The following REV3L variants were observed in gnomAD, a reference collection of about 807,000 sequenced individuals.
The protein encoded by REV3L is REV3 like, DNA directed polymerase zeta catalytic subunit.
A neutral mutation model predicts 299.4 loss-of-function variants in REV3L; 69 were observed. The ratio of observed to expected loss-of-function variants is 0.23; its 90% CI spans 0.19 to 0.28. The LOEUF (loss-of-function observed/expected upper bound fraction) is 0.28, where lower values mean the gene tolerates loss of function less well. Among genes scored for constraint, REV3L ranks in the 10% least tolerant of loss-of-function variants. The pLI is 1.00. For synonymous variants in REV3L, 1,238 were observed against 1,271.4 expected (o/e 0.97, Z 0.56); for missense variants, 3,128 against 3,693.8 (o/e 0.85, Z 3.97).
chr6:111,395,133 C>T (rs1239587120), intron 4 of REV3L, among the ~76,000 whole-genome samples: 1 of 152,142 alleles, frequency 6.6e-6, no homozygotes, highest in Non-Finnish European at 1.5e-5. Context: ...GTTTTGACCT[C>T]AGGTAATATG....
rs1173039088 is a variant in REV3L at position 111,411,532 on chromosome 6, T to C, written c.352A>G (p.Lys118Glu). 3 of 1,585,042 alleles carry C rather than the reference T, an allele frequency of 1.9e-6. No homozygotes were observed. Among genetic ancestry groups the C allele is most frequent in the Non-Finnish European group, 2.6e-6 (3 of 1,160,846 alleles). ...SGMPFYGYHE[K>E]ERHFMKIYLY... ...TAGATCTTCATAAAGTGTCTTTCCT[T>C]CTCATGATAACCATAAAAAGGCCTG... is the stretch of plus-strand genomic sequence containing the variant. The change falls in exon 3 of 32, where the codon AAG (lysine) becomes GAG (glutamate). Residue 118 changes from lysine to glutamate, a missense_variant. Lys to Glu is a moderately conservative substitution (Grantham distance 56). Around this residue, in one of 9 missense-constraint regions of REV3L, gnomAD observed 2,409 missense variants for 2,611.8 expected, o/e 0.92. Transcript: ENST00000368802.
At chr6:111,355,739 T>C (rs930573014) in intron 18 of REV3L, among the ~76,000 whole-genome samples, 9 of 152,124 alleles carry the variant, frequency 5.9e-5, no homozygotes, top group African/African-American at 1.7e-4. Flanking sequence ...CAAAATAGTA[T>C]TGACTGAAAC....
Position 111,392,909 on chromosome 6 carries a change from G to C in REV3L, c.629C>G (p.Thr210Ser). 1.9e-6 allele frequency: 3 copies of C among 1,612,404 alleles called. No individual in the cohort carries two copies. The highest frequency in any genetic ancestry group is 2.5e-6 in the Non-Finnish European group (3 of 1,178,696). Residue 210 changes from threonine to serine, a missense_variant, in exon 5 of 32, where the codon ACT (threonine) becomes AGT (serine). Thr to Ser is a moderately conservative substitution (Grantham distance 58, BLOSUM62 1). Coordinates refer to ENST00000368802, the MANE Select transcript of REV3L (RefSeq NM_001372078.1). ...TTCATCTTGTTCCCACCGAAATAAA[G>C]TATCAGCAAGAGAATTTCCTGATAA... is the stretch of plus-strand genomic sequence containing the variant. Reference protein sequence around the residue: ...NHLSGNSLADTLFRWEQDEIP... With the variant: ...NHLSGNSLADSLFRWEQDEIP...
At chr6:111,447,968 C>G (rs17539197) in intron 1 of REV3L, among the ~76,000 whole-genome samples, 66,517 of 152,032 alleles carry the variant, frequency 0.44, 16,424 homozygotes, top group Non-Finnish European at 0.56. Context: ...AAAATCCTTA[C>G]TTTAAAATTT....
intron 16 of REV3L, among the ~76,000 whole-genome samples, chr6:111,362,800 T>C (rs1018608222): frequency 1.3e-5 from 2 of 152,186 alleles, no homozygotes; most frequent in African/African-American, 2.4e-5. Flanking sequence ...TAGTATTACA[T>C]ACCTAAGTCG....
chr6:111,325,114 G>A (rs1473878167), intron 25 of REV3L, among the ~76,000 whole-genome samples: 3 of 152,160 alleles, frequency 2.0e-5, no homozygotes, highest in African/African-American at 7.2e-5. Flanking sequence ...ACCCGCCTTG[G>A]CCTCCCAAAG....
intron 1 of REV3L, among the ~76,000 whole-genome samples, chr6:111,437,166 G>T (rs2128304468): frequency 6.6e-6 from 1 of 152,246 alleles, no homozygotes; most frequent in Non-Finnish European, 1.5e-5. Flanking sequence ...GTGCTTTATA[G>T]AATAGTCTGG....
chr6:111,447,281 C>T (rs1277693297), intron 1 of REV3L, among the ~76,000 whole-genome samples: 1 of 152,226 alleles, frequency 6.6e-6, no homozygotes, highest in Middle Eastern at 3.4e-3. Flanking sequence ...ACCGGGATGC[C>T]CTCGTGTGAG....
chr6:111,450,875 C>T (rs962367010), intron 1 of REV3L, among the ~76,000 whole-genome samples: 1 of 152,180 alleles, frequency 6.6e-6, no homozygotes, highest in Non-Finnish European at 1.5e-5. Flanking sequence ...AGACAACCAA[C>T]CAGTCTGTGT....
Position 111,367,600 on chromosome 6 carries a change from G to A in REV3L, c.6188C>T (p.Thr2063Ile). ...MDVSPCILPTTAHTKEDVDNS... is the reference protein window; with the variant it reads ...MDVSPCILPTIAHTKEDVDNS... The stretch of plus-strand genomic sequence containing the variant: ...ATCAACATCCTCCTTGGTATGTGCT[G>A]TAGTGGGGAGTATACATGGACTTAC... Residue 2063 changes from threonine (T) to isoleucine (I), a missense_variant, in exon 14 of 32, where the codon ACA (threonine) becomes ATA (isoleucine). By Grantham distance (89) the Thr-to-Ile change is moderately conservative. Coordinates refer to ENST00000368802, the MANE Select transcript of REV3L (RefSeq NM_001372078.1). 1 of 1,614,208 alleles carries A rather than the reference G, an allele frequency of 6.2e-7. No homozygotes were observed. Among genetic ancestry groups the A allele is most frequent in the Non-Finnish European group, 8.5e-7 (1 of 1,180,030 alleles).
chr6:111,339,021 C>T (rs191890881), intron 21 of REV3L, among the ~76,000 whole-genome samples: 69 of 152,134 alleles, frequency 4.5e-4, no homozygotes, highest in Non-Finnish European at 6.8e-4. Context: ...ATGTGTGAAA[C>T]AGTGGTTTCA....
chr6:111,389,450 C>G (rs1488810848), intron 6 of REV3L, among the ~76,000 whole-genome samples: 1 of 151,966 alleles, frequency 6.6e-6, no homozygotes, highest in Admixed American at 6.6e-5. Flanking sequence ...GTCAATAGAC[C>G]TAAGAGTCCC....
chr6:111,407,052 G>A (rs1414764129), intron 3 of REV3L, among the ~76,000 whole-genome samples: 4 of 152,106 alleles, frequency 2.6e-5, no homozygotes, highest in Non-Finnish European at 5.9e-5. Context: ...CCAGGTTACA[G>A]TGAGGTATGA....
Position 111,364,761 on chromosome 6 carries a change from T to C in REV3L, c.6753+504A>G, listed in dbSNP as rs17539756. On this transcript the variant is annotated intron_variant, in intron 15 of 31. Coordinates refer to ENST00000368802, the MANE Select transcript of REV3L (RefSeq NM_001372078.1). ...CACATAACCATATAATTCTAAGTTTTGTCATATTTTTAGTATTTGAATAAA... is the reference window on the plus strand; with the variant it reads ...CACATAACCATATAATTCTAAGTTTCGTCATATTTTTAGTATTTGAATAAA... 2.3e-3 allele frequency among the ~76,000 whole-genome samples: 343 copies of C among 152,174 alleles called. 2 individuals are homozygous for C. The highest frequency in any genetic ancestry group is 8.0e-3 in the African/African-American group (332 of 41,576).
intron 9 of REV3L, among the ~76,000 whole-genome samples, chr6:111,382,110 T>C (rs1780890622): frequency 6.6e-6 from 1 of 152,228 alleles, no homozygotes; most frequent in African/African-American, 2.4e-5. Flanking sequence ...GCTTTCATTA[T>C]ATATCACATT....
chr6:111,475,053 T>C (rs1164305519), intron 1 of REV3L, among the ~76,000 whole-genome samples: 3 of 151,926 alleles, frequency 2.0e-5, no homozygotes, highest in Non-Finnish European at 4.4e-5. Flanking sequence ...AAGAATTTTA[T>C]TCTAATACAT....
rs1296799733 is a variant in REV3L, at chr6:111,367,460, C to A, written c.6328G>T (p.Asp2110Tyr). Residue 2110 changes from aspartate (D) to tyrosine (Y), a missense_variant, in exon 14 of 32, where the codon GAT (aspartate) becomes TAT (tyrosine). Transcript: ENST00000368802. Reference protein sequence around the residue: ...ASDPEKDEDDDDNYYISYSSP... With the variant: ...ASDPEKDEDDYDNYYISYSSP... ...CTATAACTAATGTAATAGTTATCAT[C>A]ATCATCTTCATCTTTTTCGGGATCA... 1 of 1,608,512 alleles carries A rather than the reference C, an allele frequency of 6.2e-7. No individual in the cohort carries two copies. The highest frequency in any genetic ancestry group is 8.5e-7 in the Non-Finnish European group (1 of 1,176,834).
chr6:111,364,664 TAAG>T (rs17511020), intron 15 of REV3L, among the ~76,000 whole-genome samples: 4,268 of 152,120 alleles, frequency 0.028, 84 homozygotes, highest in Non-Finnish European at 0.044. Flanking sequence ...ATGACATTTA[TAAG>T]AAGTGGCCAA....
intron 15 of REV3L, among the ~76,000 whole-genome samples, chr6:111,364,236 A>G (rs1281676670): frequency 6.6e-6 from 1 of 152,182 alleles, no homozygotes; most frequent in Non-Finnish European, 1.5e-5. Flanking sequence ...AATACTGAAA[A>G]TAACAGTTTT....
Sources: gnomAD v4.1 joint callset for allele counts (sites outside exome capture counted in the v4.1 genomes callset) on GRCh38, gnomAD v4.1.1 for gene constraint, gnomAD v4.1.1 regional missense constraint, MANE v1.5 for transcripts, NCBI Gene and HGNC (gene_info 2026-07-23, HGNC 2026-07-21) for gene names.